The following ARMH4 variants were observed in gnomAD, a reference collection of about 807,000 sequenced individuals.
ARMH4 encodes the protein armadillo like helical domain containing 4, also known as armadillo-like helical domain-containing protein 4.
A neutral mutation model predicts 61.9 loss-of-function variants in ARMH4; 49 were observed. The observed-to-expected ratio is 0.79, with a 90% CI of 0.63 to 1.00. The LOEUF is 1.00. ARMH4 is among the 50% of genes least tolerant of loss of function. The pLI, the probability that ARMH4 is intolerant of heterozygous loss-of-function variation, is 0.00. For missense variants in ARMH4, 934 were observed against 930.0 expected (o/e 1.00, Z -0.06); for synonymous variants, 368 against 341.5 (o/e 1.08, Z -0.85).
intron 1 of ARMH4, among the ~76,000 whole-genome samples, chr14:58,149,533 T>C (rs1887855576): frequency 6.6e-6 from 1 of 152,176 alleles, no homozygotes; most frequent in Admixed American, 6.5e-5. Context: ...TACTTTACCA[T>C]CCCTGAAGAC....
intron 5 of ARMH4, among the ~76,000 whole-genome samples, chr14:58,014,028 A>AAAAGAAAGAAAGAAAGAAAG (rs34882144): frequency 1.2e-3 from 185 of 150,338 alleles, no homozygotes; most frequent in African/African-American, 4.3e-3. Context: ...CATCTCAAAA[A>AAAAGAAAGAAAGAAAGAAAG]AAAGAAAGAA....
At chr14:58,142,449 T>TC (rs1887596810) in intron 1 of ARMH4, among the ~76,000 whole-genome samples, 2 of 151,902 alleles carry the variant, frequency 1.3e-5, no homozygotes, top group South Asian at 4.1e-4. Context: ...CTCCTTTTTT[T>TC]GTTTCTTTTC....
chr14:58,147,753 G>A (rs4901849), intron 1 of ARMH4, among the ~76,000 whole-genome samples: 66,884 of 152,000 alleles, frequency 0.44, 15,683 homozygotes, highest in Non-Finnish European at 0.54. Flanking sequence ...GTATACTGTC[G>A]TTATTCCACT....
chr14:58,137,584 G>A (rs1887348002), intron 2 of ARMH4, among the ~76,000 whole-genome samples: 1 of 152,062 alleles, frequency 6.6e-6, no homozygotes, highest in Non-Finnish European at 1.5e-5. Flanking sequence ...TTTTAATAGA[G>A]ATGGGGTTTC....
chr14:58,112,993 G>C (rs991120790), intron 4 of ARMH4, among the ~76,000 whole-genome samples: 4 of 151,024 alleles, frequency 2.6e-5, no homozygotes, highest in Non-Finnish European at 4.4e-5. Flanking sequence ...TTTTTTTATT[G>C]ATGTAGAACA....
At chr14:58,040,825 T>A (rs1883668525) in intron 5 of ARMH4, among the ~76,000 whole-genome samples, 1 of 152,128 alleles carries the variant, frequency 6.6e-6, no homozygotes, top group Admixed American at 6.6e-5. Flanking sequence ...ACTAAATCAG[T>A]TGTTATGGGC....
chr14:58,099,606 C>T (rs1885887513), intron 4 of ARMH4, among the ~76,000 whole-genome samples: 1 of 152,074 alleles, frequency 6.6e-6, no homozygotes, highest in Non-Finnish European at 1.5e-5. Context: ...AAAATTCTTA[C>T]CAGAAATTTG....
chr14:58,040,254 GTCAC>G (rs1245435033), intron 5 of ARMH4, among the ~76,000 whole-genome samples: 4 of 151,984 alleles, frequency 2.6e-5, no homozygotes, highest in African/African-American at 4.8e-5. Context: ...TGTACAGATT[GTCAC>G]TCAGGTATTA....
intron 5 of ARMH4, among the ~76,000 whole-genome samples, chr14:58,036,664 C>T (rs1745514913): frequency 7.7e-6 from 1 of 129,294 alleles, no homozygotes; most frequent in Non-Finnish European, 1.7e-5. Context: ...ATTGTCTCAG[C>T]CCAAAATCTC....
chr14:58,118,688 C>T (rs1208468511), intron 4 of ARMH4, among the ~76,000 whole-genome samples: 2 of 152,164 alleles, frequency 1.3e-5, no homozygotes, highest in African/African-American at 4.8e-5. Flanking sequence ...TCCCTAGAAA[C>T]TCATTAGTGA....
intron 5 of ARMH4, among the ~76,000 whole-genome samples, chr14:58,056,471 T>C (rs1181179735): frequency 2.6e-5 from 4 of 152,210 alleles, no homozygotes; most frequent in African/African-American, 7.2e-5. Flanking sequence ...GTTGTATTAG[T>C]TATGTCCCAT....
At chr14:58,031,606 G>A (rs1003221263) in intron 5 of ARMH4, among the ~76,000 whole-genome samples, 14 of 152,272 alleles carry the variant, frequency 9.2e-5, no homozygotes, top group Non-Finnish European at 1.3e-4. Context: ...CTCCCAGAGA[G>A]GAACTTGCAA....
intron 4 of ARMH4, among the ~76,000 whole-genome samples, chr14:58,118,552 G>A (rs759901217): frequency 7.3e-5 from 11 of 151,352 alleles, no homozygotes; most frequent in Non-Finnish European, 1.5e-4. Context: ...TTACATAGGG[G>A]GAAAAAAAAA....
At chr14:58,028,034 G>T (rs1883083324) in intron 5 of ARMH4, among the ~76,000 whole-genome samples, 1 of 152,056 alleles carries the variant, frequency 6.6e-6, no homozygotes, top group Non-Finnish European at 1.5e-5. Context: ...AATCCCTTAA[G>T]CAAGCATGTT....
chr14:58,114,993 A>G (rs556067194), intron 4 of ARMH4, among the ~76,000 whole-genome samples: 4 of 152,324 alleles, frequency 2.6e-5, no homozygotes, highest in South Asian at 2.1e-4. Flanking sequence ...AAAATCCTAG[A>G]AGAAAATCTA....
rs948953635 is a variant in ARMH4 at position 58,032,685 on chromosome 14, G to C, written c.2090-20535C>G. ...AGTGCCAGACAGTGGGCGCAGGCCA[G>C]TGTGTGCGCGCACCGTGCGCGAGCC... On this transcript the variant is annotated intron_variant, in intron 5 of 7. Coordinates refer to ENST00000267485, the MANE Select transcript of ARMH4 (RefSeq NM_001001872.4). Among the ~76,000 whole-genome samples the C allele has an allele frequency of 2.0e-5, 3 of 151,834 alleles. No individual in the cohort carries two copies. The South Asian group carries it at 6.2e-4, about 32-fold the overall frequency.
intron 6 of ARMH4, among the ~76,000 whole-genome samples, chr14:58,008,036 G>GA (rs1404860757): frequency 6.6e-6 from 1 of 152,026 alleles, no homozygotes; most frequent in South Asian, 2.1e-4. Flanking sequence ...TGAGAGAGGA[G>GA]AAAAAATGCT....
chr14:58,063,410 G>A (rs140914707), intron 5 of ARMH4, among the ~76,000 whole-genome samples: 34 of 152,252 alleles, frequency 2.2e-4, no homozygotes, highest in Non-Finnish European at 4.1e-4. Flanking sequence ...CTGGGTTGGG[G>A]GAACACAATT....
chr14:58,061,035 C>T (rs1367604427), intron 5 of ARMH4, among the ~76,000 whole-genome samples: 2 of 152,172 alleles, frequency 1.3e-5, no homozygotes, highest in Non-Finnish European at 2.9e-5. Context: ...GCTTGAGCCC[C>T]TCAGACCAAT....
Sources: allele counts gnomAD v4.1 joint callset (sites outside exome capture counted in the v4.1 genomes callset), GRCh38; gene constraint gnomAD v4.1.1; transcripts MANE v1.5; gene names NCBI Gene and HGNC (gene_info 2026-07-23, HGNC 2026-07-21).